Variants in BRWD3 observed in about 807,000 individuals in gnomAD.
BRWD3 encodes the protein bromodomain and WD repeat domain containing 3, also known as bromodomain and WD repeat-containing protein 3.
In BRWD3, 10 loss-of-function variants were observed where a neutral mutation model predicts 149.7. That is an observed-to-expected ratio of 0.07 (90% CI 0.04 to 0.11). BRWD3 has a LOEUF of 0.11. Among genes scored for constraint, BRWD3 ranks in the 10% least tolerant of loss-of-function variants. The pLI, the probability that BRWD3 is intolerant of heterozygous loss-of-function variation, is 1.00. For missense variants in BRWD3, 940 were observed against 1,373.2 expected (o/e 0.68, Z 4.99); for synonymous variants, 504 against 456.7 (o/e 1.10, Z -1.32).
chrX:80,684,023 T>A lies in BRWD3; in HGVS notation c.4220A>T (p.Asn1407Ile). 1.7e-6 allele frequency: 2 copies of A among 1,208,383 alleles called. No homozygotes were observed. The highest frequency in any genetic ancestry group is 2.2e-6 in the Non-Finnish European group (2 of 893,041). The stretch of plus-strand genomic sequence containing the variant: ...TAATAATCATACCCTTGACTTTTTA[T>A]TAGAGGTATAAGCTTTGGAGTTGTT... ...IFNNSKAYTS[N>I]KKSRIYSMML... Residue 1407 changes from asparagine to isoleucine, a missense_variant, in exon 37 of 41, where the codon AAT (asparagine) becomes ATT (isoleucine). Physicochemically the swap from Asn to Ile is moderately radical, Grantham distance 149 (BLOSUM62 -3). This residue lies in a region of BRWD3 where 349 missense variants were observed against 419.6 expected (regional missense o/e 0.83). Coordinates refer to ENST00000373275, the MANE Select transcript of BRWD3 (RefSeq NM_153252.5).
Position 80,791,941 on chromosome X carries a change from T to C in BRWD3, c.343A>G (p.Thr115Ala), listed in dbSNP as rs2074186610. 1 of 1,191,671 alleles carries C rather than the reference T, an allele frequency of 8.4e-7. No homozygotes were observed. ...GCAAAAGCAGACCCATTCCATAGTG[T>C]ACTCTTACAGTCTATATAAAAAGAA... ...LLRDAKDCKS[T>A]LWNGSAFAAL... The change falls in exon 6 of 41, where the codon ACA (threonine) becomes GCA (alanine). Residue 115 changes from threonine (T) to alanine (A), a missense_variant. By Grantham distance (58) the Thr-to-Ala change is moderately conservative (BLOSUM62 0). Transcript: ENST00000373275.
chrX:80,772,702 C>T (rs1405123863), intron 6 of BRWD3, among the ~76,000 whole-genome samples: 1 of 111,389 alleles, frequency 9.0e-6, no homozygotes, highest in African/African-American at 3.3e-5. Flanking sequence ...AGCCACAAAA[C>T]ATTCAATTAC....
chrX:80,780,168 C>T (rs1001049515), intron 6 of BRWD3, among the ~76,000 whole-genome samples: 1 of 110,671 alleles, frequency 9.0e-6, no homozygotes, highest in African/African-American at 3.3e-5. Context: ...CACTGTTTTA[C>T]CTCTTCCCTT....
At chrX:80,743,962 T>C (rs918990428) in intron 8 of BRWD3, 70 bp downstream of exon 8, 11 of 917,775 alleles carry the variant, frequency 1.2e-5, no homozygotes, top group Non-Finnish European at 1.7e-5. Context: ...ATCTATACAA[T>C]GTAACATGAA....
rs949609783 is a variant in BRWD3, at chrX:80,673,372, T to G, written c.*3237A>C. ...TGGACTGGTTATCTAGAAGGCATAATGAATGATCAAGCAGTAAATATACAG... is the reference window on the plus strand; with the variant it reads ...TGGACTGGTTATCTAGAAGGCATAAGGAATGATCAAGCAGTAAATATACAG... On this transcript the variant is annotated 3_prime_UTR_variant, in exon 41 of 41. Coordinates refer to ENST00000373275, the MANE Select transcript of BRWD3 (RefSeq NM_153252.5). The G allele has an allele frequency of 1.8e-5, 2 of 111,023 alleles. No individual in the cohort carries two copies. The highest frequency in any genetic ancestry group is 6.5e-5 in the African/African-American group (2 of 30,612). The allele number at this position is 111,023 out of a possible 1,213,427, so 9.1% of individuals were successfully genotyped here.
Position 80,672,703 on chromosome X carries a change from T to C in BRWD3, c.*3906A>G, listed in dbSNP as rs963517976. 3 of 111,817 alleles carry C rather than the reference T, an allele frequency of 2.7e-5. No individual in the cohort carries two copies. Among genetic ancestry groups the C allele is most frequent in the Non-Finnish European group, 5.6e-5 (3 of 53,157 alleles). 9.2% of individuals were successfully genotyped at this position (111,817 alleles called of 1,213,427 possible). On this transcript the variant is annotated 3_prime_UTR_variant, in exon 41 of 41. Coordinates refer to ENST00000373275, the MANE Select transcript of BRWD3 (RefSeq NM_153252.5). ...TAAAGCCTCACGTTCCACAAAAATATTGGGGATGGGGTTAGCATTTAAAAC... is the reference window on the plus strand; with the variant it reads ...TAAAGCCTCACGTTCCACAAAAATACTGGGGATGGGGTTAGCATTTAAAAC...
In BRWD3 at chrX:80,684,073, A is replaced by C; in HGVS notation, c.4170T>G (p.Phe1390Leu). 8.3e-7 allele frequency: 1 copy of C among 1,207,774 alleles called. No homozygotes were observed. The highest frequency in any genetic ancestry group is 1.1e-6 in the Non-Finnish European group (1 of 892,225). The change falls in exon 37 of 41, where the codon TTT becomes TTG. Residue 1390 changes from phenylalanine to leucine, a missense_variant. By Grantham distance (22) the Phe-to-Leu change is conservative (BLOSUM62 0). Coordinates refer to ENST00000373275, the MANE Select transcript of BRWD3 (RefSeq NM_153252.5). ...TGAATATTTGGCGAACATCCTTATA[A>C]AATTCCAGAGGACTACCATAGTTTC... ...EAGNYGSPLEFYKDVRQIFNN... is the reference protein window; with the variant it reads ...EAGNYGSPLELYKDVRQIFNN...
intron 16 of BRWD3, among the ~76,000 whole-genome samples, chrX:80,723,400 T>G (rs1291237942): frequency 9.0e-6 from 1 of 111,243 alleles, no homozygotes; most frequent in Non-Finnish European, 1.9e-5. Context: ...ATAAAAATAT[T>G]CAGTCACCAG....
chrX:80,711,361 A>T (rs1349225585), intron 20 of BRWD3, among the ~76,000 whole-genome samples: 1 of 111,827 alleles, frequency 8.9e-6, no homozygotes, highest in Non-Finnish European at 1.9e-5. Flanking sequence ...GGTTTTACTT[A>T]ACCCTATATA....
intron 8 of BRWD3, among the ~76,000 whole-genome samples, chrX:80,743,213 T>C (rs1377370331): frequency 8.9e-6 from 1 of 112,175 alleles, no homozygotes; most frequent in East Asian, 2.8e-4. Flanking sequence ...GATTTGCATA[T>C]GTTGAACCAG....
chrX:80,803,984 T>C (rs2074326639), intron 4 of BRWD3, among the ~76,000 whole-genome samples: 1 of 112,646 alleles, frequency 8.9e-6, no homozygotes, highest in South Asian at 3.6e-4. Flanking sequence ...ATGTGTTATA[T>C]GCAGATGCAA....
At chrX:80,741,494 C>T (rs897618251) in intron 8 of BRWD3, among the ~76,000 whole-genome samples, 29 of 111,812 alleles carry the variant, frequency 2.6e-4, no homozygotes, top group African/African-American at 9.1e-4. Context: ...CACTGACTTC[C>T]ACAATGGTTG....
chrX:80,681,366 C>A lies in BRWD3; in HGVS notation c.4629G>T (p.Arg1543=). Residue 1543 remains arginine, a synonymous_variant, in exon 40 of 41, where the codon CGG becomes CGT. Coordinates refer to ENST00000373275, the MANE Select transcript of BRWD3 (RefSeq NM_153252.5). ...SHDPGKAKSF[R]NRVLPVKQDH... is the part of the protein sequence containing the mutation. ...CTTGTTTAACTGGCAAAACTCTATT[C>A]CGAAATGATTTGGCTTTCCCTGGGT... 1 of 1,210,651 alleles carries A rather than the reference C, an allele frequency of 8.3e-7. No homozygotes were observed.
chrX:80,745,431 C>T (rs2073578848), intron 7 of BRWD3, 138 bp downstream of exon 7: 2 of 504,478 alleles, frequency 4.0e-6, no homozygotes, highest in Non-Finnish European at 6.4e-6. Context: ...AAACTTTTTT[C>T]AATTTCCACT....
At chrX:80,779,794 A>C (rs1430052236) in intron 6 of BRWD3, among the ~76,000 whole-genome samples, 1 of 111,843 alleles carries the variant, frequency 8.9e-6, no homozygotes, top group Non-Finnish European at 1.9e-5. Context: ...GGATCAAATT[A>C]TGTCTCTAAA....
chrX:80,795,267 C>T (rs1183777089), intron 4 of BRWD3, among the ~76,000 whole-genome samples: 2 of 110,107 alleles, frequency 1.8e-5, no homozygotes, highest in Non-Finnish European at 3.8e-5. Context: ...AAGTGAACGT[C>T]TACATTCTCA....
intron 6 of BRWD3, among the ~76,000 whole-genome samples, chrX:80,766,092 T>C (rs1315289184): frequency 1.8e-5 from 2 of 111,931 alleles, no homozygotes; most frequent in Non-Finnish European, 3.8e-5. Context: ...TTTGAATTGG[T>C]AGACAGAGTA....
chrX:80,754,464 T>G (rs964555715), intron 6 of BRWD3, among the ~76,000 whole-genome samples: 15 of 111,933 alleles, frequency 1.3e-4, no homozygotes, highest in Non-Finnish European at 2.4e-4. Context: ...AGAGATAATT[T>G]GACTTCCTCT....
intron 34 of BRWD3, 102 bp from the exon 35 acceptor site, chrX:80,687,105 T>C: frequency 6.8e-6 from 1 of 146,652 alleles, no homozygotes; most frequent in Non-Finnish European, 1.1e-5. Flanking sequence ...TGTGTGTATA[T>C]ATATATATAT....
Sources: allele counts gnomAD v4.1 joint callset (sites outside exome capture counted in the v4.1 genomes callset), GRCh38; gene constraint gnomAD v4.1.1; regional missense constraint gnomAD v4.1.1; transcripts MANE v1.5; gene names NCBI Gene and HGNC (gene_info 2026-07-23, HGNC 2026-07-21).